Variants in ZNF536 observed in about 807,000 individuals in gnomAD.
ZNF536 encodes zinc finger protein 536.
ZNF536 carries 13 observed loss-of-function variants against 84.5 expected under a neutral mutation model. The ratio of observed to expected loss-of-function variants is 0.15; its 90% CI spans 0.10 to 0.24. The LOEUF is 0.24. ZNF536 is among the 10% of genes least tolerant of loss of function. The pLI is 1.00. For missense variants in ZNF536, 1,536 were observed against 1,747.5 expected (o/e 0.88, Z 2.16); for synonymous variants, 811 against 742.5 (o/e 1.09, Z -1.50).
chr19:30,307,194 A>G (rs1037402993), intron 2 of ZNF536, among the ~76,000 whole-genome samples: 2 of 152,054 alleles, frequency 1.3e-5, no homozygotes, highest in African/African-American at 2.4e-5. Flanking sequence ...CCCCTCACAT[A>G]TATTTATAAC....
chr19:30,689,071 C>G lies in ZNF536; in HGVS notation c.170-21686C>G, dbSNP rs937009138. Among the ~76,000 whole-genome samples the G allele has an allele frequency of 2.0e-5, 3 of 152,334 alleles. No individual in the cohort carries two copies. In the South Asian group the frequency reaches 6.2e-4, roughly 32 times the overall value. On this transcript the variant is annotated intron_variant, in intron 1 of 1. Coordinates refer to the ZNF536 transcript ENST00000592773. ...ATCCCCTTAGACCTGGCCATCCATT[C>G]GGAGAGAGGCACTAGCCTGAGCCCC...
At chr19:30,329,214 C>G (rs1205094261) in intron 2 of ZNF536, among the ~76,000 whole-genome samples, 1 of 152,188 alleles carries the variant, frequency 6.6e-6, no homozygotes, top group Non-Finnish European at 1.5e-5. Context: ...CAGAACAGAG[C>G]CTTTATTGAG....
At chr19:30,631,105 G>A (rs184905450) in intron 1 of ZNF536, among the ~76,000 whole-genome samples, 2 of 152,292 alleles carry the variant, frequency 1.3e-5, no homozygotes, top group Non-Finnish European at 2.9e-5. Flanking sequence ...GTGCAGCCGG[G>A]CACTCCCGAC....
intron 1 of ZNF536, among the ~76,000 whole-genome samples, chr19:30,616,020 A>G (rs1328884613): frequency 6.6e-6 from 1 of 152,098 alleles, no homozygotes; most frequent in Non-Finnish European, 1.5e-5. Flanking sequence ...ATTCTTGTAT[A>G]TTCATTTTAT....
chr19:30,264,896 G>A (rs950434065), intron 1 of ZNF536, among the ~76,000 whole-genome samples: 2 of 151,514 alleles, frequency 1.3e-5, no homozygotes, highest in African/African-American at 4.9e-5. Flanking sequence ...ATAAACCGGG[G>A]GGATTAAACA....
chr19:30,345,247 C>CG (rs1030190947), intron 2 of ZNF536, among the ~76,000 whole-genome samples: 8 of 152,178 alleles, frequency 5.3e-5, no homozygotes, highest in East Asian at 3.9e-4. Flanking sequence ...GGGGGCTCCC[C>CG]CCAGCATGAG....
intron 1 of ZNF536, among the ~76,000 whole-genome samples, chr19:30,670,749 C>A (rs1215087790): frequency 6.6e-6 from 1 of 152,228 alleles, no homozygotes; most frequent in African/African-American, 2.4e-5. Flanking sequence ...CTGTTGCCCA[C>A]GCCCTTCAGG....
intron 1 of ZNF536, among the ~76,000 whole-genome samples, chr19:30,433,101 T>G (rs1223545529): frequency 6.6e-6 from 1 of 152,228 alleles, no homozygotes; most frequent in Non-Finnish European, 1.5e-5. Flanking sequence ...CTCTGTCCCC[T>G]GAGCATTACA....
At chr19:30,400,165 A>G (rs889515439) in intron 1 of ZNF536, among the ~76,000 whole-genome samples, 4 of 151,172 alleles carry the variant, frequency 2.6e-5, no homozygotes, top group Admixed American at 1.3e-4. Context: ...TTTGGCTGTT[A>G]TAGCCAAAAT....
At chr19:30,431,380 A>C (rs2051452590) in intron 1 of ZNF536, among the ~76,000 whole-genome samples, 1 of 152,222 alleles carries the variant, frequency 6.6e-6, no homozygotes, top group African/African-American at 2.4e-5. Flanking sequence ...GCCTCAGCGC[A>C]GAAATTGCAG....
chr19:30,538,642 G>A (rs1275731413), intron 3 of ZNF536, among the ~76,000 whole-genome samples: 1 of 152,172 alleles, frequency 6.6e-6, no homozygotes, highest in Non-Finnish European at 1.5e-5. Context: ...GGCTGCTGCA[G>A]GATCTCGGGA....
At chr19:30,286,494 G>C (rs1024318282) in intron 2 of ZNF536, among the ~76,000 whole-genome samples, 1 of 151,688 alleles carries the variant, frequency 6.6e-6, no homozygotes, top group Non-Finnish European at 1.5e-5. Context: ...AGGAGAGAGA[G>C]AGAGACAGAC....
chr19:30,569,164 A>T (rs770773575), intron 1 of ZNF536, among the ~76,000 whole-genome samples: 2 of 152,194 alleles, frequency 1.3e-5, no homozygotes, highest in Non-Finnish European at 2.9e-5. Context: ...AATTGTTGAA[A>T]TCCCTAATAA....
intron 1 of ZNF536, among the ~76,000 whole-genome samples, chr19:30,411,876 T>G (rs1190891116): frequency 6.6e-6 from 1 of 152,106 alleles, no homozygotes; most frequent in Non-Finnish European, 1.5e-5. Flanking sequence ...TTAAAAAAAT[T>G]TATGTATTTA....
rs2045618237 is a variant in ZNF536, at chr19:30,547,956, C to T, written c.2337C>T (p.Tyr779=). 1.9e-6 allele frequency: 3 copies of T among 1,550,608 alleles called. No homozygotes were observed. Among genetic ancestry groups the T allele is most frequent in the Non-Finnish European group, 2.6e-6 (3 of 1,150,722 alleles). Residue 779 remains tyrosine, a synonymous_variant, in exon 4 of 5, where the codon TAC becomes TAT. Coordinates refer to ENST00000355537, the MANE Select transcript of ZNF536 (RefSeq NM_014717.3). ...HLRIHTGEKP[Y]KCPHCDYAGT... ...AAAATCTTGCAGGTGAGAAACCCTA[C>T]AAGTGTCCGCACTGTGACTATGCCG...
chr19:30,459,893 A>G (rs8110100), intron 2 of ZNF536, among the ~76,000 whole-genome samples: 45,798 of 152,008 alleles, frequency 0.3, 7,838 homozygotes, highest in African/African-American at 0.47. Context: ...CCTGCCCAAC[A>G]TGCCACAGTG....
intron 1 of ZNF536, among the ~76,000 whole-genome samples, chr19:30,672,826 G>A (rs748386262): frequency 2.0e-5 from 3 of 152,144 alleles, no homozygotes; most frequent in East Asian, 1.9e-4. Flanking sequence ...AGATGTAGGC[G>A]TGTTTTGAAG....
chr19:30,443,568 A>G lies in ZNF536; in HGVS notation c.6A>G (p.Glu2=). The change falls in exon 2 of 5, where the codon GAA becomes GAG. Residue 2 remains glutamate (E), a synonymous_variant. Coordinates refer to ENST00000355537, the MANE Select transcript of ZNF536 (RefSeq NM_014717.3). The part of the protein sequence containing the change: M[E]EASLCLGVSS... ...CTCTGCCTCTCTTTTCAGGGATGGA[A>G]GAAGCGAGCCTGTGCCTTGGAGTGT... is the stretch of plus-strand genomic sequence containing the variant. 1 of 1,534,762 alleles carries G rather than the reference A, an allele frequency of 6.5e-7. No homozygotes were observed. The highest frequency in any genetic ancestry group is 1.4e-5 in the African/African-American group (1 of 72,280).
At chr19:30,481,683 T>G (rs1235351367) in intron 2 of ZNF536, among the ~76,000 whole-genome samples, 1 of 152,210 alleles carries the variant, frequency 6.6e-6, no homozygotes, top group African/African-American at 2.4e-5. Flanking sequence ...TTTTCATTTT[T>G]TATTTCTATA....
Sources: gnomAD v4.1 joint callset for allele counts (sites outside exome capture counted in the v4.1 genomes callset) on GRCh38, gnomAD v4.1.1 for gene constraint, MANE v1.5 for transcripts, NCBI Gene and HGNC (gene_info 2026-07-23, HGNC 2026-07-21) for gene names.